Variants in ALK observed in about 807,000 individuals in gnomAD.
ALK encodes ALK tyrosine kinase receptor.
Under a neutral mutation model 163.1 loss-of-function variants are expected in ALK, and 74 were observed. The observed-to-expected ratio is 0.45, with a 90% CI of 0.38 to 0.55. The LOEUF is 0.55. Ranked by LOEUF, ALK falls within the 20% of genes least tolerant of loss-of-function variation. The pLI is 0.00. For synonymous variants in ALK, 960 were observed against 843.2 expected, an observed-to-expected ratio of 1.14 and a Z score of -2.40; for missense variants, 2,063 against 2,105.3, an observed-to-expected ratio of 0.98 and a Z score of 0.39.
At chr2:29,538,623 G>A (rs1673326474) in intron 3 of ALK, among the ~76,000 whole-genome samples, 2 of 152,098 alleles carry the variant, frequency 1.3e-5, no homozygotes, top group Non-Finnish European at 2.9e-5. Context: ...ACACAAGCAT[G>A]AACTAATACA....
At chr2:29,253,369 C>A (rs540758006) in intron 11 of ALK, among the ~76,000 whole-genome samples, 2 of 152,108 alleles carry the variant, frequency 1.3e-5, no homozygotes, top group Admixed American at 6.6e-5. Context: ...GCAGCTTCAT[C>A]ATTTATTGAT....
intron 1 of ALK, among the ~76,000 whole-genome samples, chr2:29,745,712 C>T (rs1186383626): frequency 1.3e-5 from 2 of 152,178 alleles, no homozygotes; most frequent in African/African-American, 2.4e-5. Flanking sequence ...CATCACTGCC[C>T]ATGGTTTGCC....
intron 3 of ALK, among the ~76,000 whole-genome samples, chr2:29,638,560 G>C (rs1676612688): frequency 6.6e-6 from 1 of 151,998 alleles, no homozygotes; most frequent in Non-Finnish European, 1.5e-5. Context: ...CTGGGGCAGG[G>C]GCATGTACAC....
chr2:29,434,674 A>G (rs1455636525), intron 4 of ALK, among the ~76,000 whole-genome samples: 1 of 152,232 alleles, frequency 6.6e-6, no homozygotes, highest in East Asian at 1.9e-4. Context: ...ATTAAAATTC[A>G]TAAGATAAGT....
At chr2:29,820,698 C>G (rs913693135) in intron 1 of ALK, among the ~76,000 whole-genome samples, 1 of 152,154 alleles carries the variant, frequency 6.6e-6, no homozygotes, top group Non-Finnish European at 1.5e-5. Context: ...GACTCTGGAG[C>G]CTGGAAGTGC....
chr2:29,295,323 G>A (rs1666143036), intron 9 of ALK, among the ~76,000 whole-genome samples: 1 of 151,960 alleles, frequency 6.6e-6, no homozygotes, highest in Non-Finnish European at 1.5e-5. Context: ...AAGACTTGCT[G>A]GATTGAGGAG....
chr2:29,886,433 C>T (rs1203603933), intron 1 of ALK, among the ~76,000 whole-genome samples: 1 of 152,212 alleles, frequency 6.6e-6, no homozygotes, highest in Non-Finnish European at 1.5e-5. Flanking sequence ...AGTACCCTGG[C>T]CCTATACCTA....
At chr2:29,853,845 C>T (rs1227806404) in intron 1 of ALK, among the ~76,000 whole-genome samples, 4 of 152,052 alleles carry the variant, frequency 2.6e-5, no homozygotes, top group Non-Finnish European at 4.4e-5. Context: ...TTTGCCACGT[C>T]CCTCCCCACC....
At chr2:29,678,591 G>T (rs1677963051) in intron 3 of ALK, among the ~76,000 whole-genome samples, 1 of 144,640 alleles carries the variant, frequency 6.9e-6, no homozygotes, top group Non-Finnish European at 1.6e-5. Context: ...TTTCCTAATA[G>T]TCAGGGATTT....
intron 4 of ALK, among the ~76,000 whole-genome samples, chr2:29,434,002 G>A (rs143194061): frequency 6.6e-6 from 1 of 152,264 alleles, no homozygotes; most frequent in East Asian, 1.9e-4. Context: ...TCTCTCAAGA[G>A]TTGGAACCAG....
intron 3 of ALK, among the ~76,000 whole-genome samples, chr2:29,672,860 AT>A (rs1195017570): frequency 1.5e-5 from 2 of 129,530 alleles, no homozygotes; most frequent in African/African-American, 6.3e-5. Flanking sequence ...CTTTTTAATG[AT>A]TGCCATTCTA....
At chr2:29,600,831 C>A (rs570666050) in intron 3 of ALK, among the ~76,000 whole-genome samples, 1 of 152,220 alleles carries the variant, frequency 6.6e-6, no homozygotes, top group South Asian at 2.1e-4. Flanking sequence ...TAGGAAGGAA[C>A]CCAGGCCGTA....
In ALK at chr2:29,672,193, T is replaced by C. The variant is rs564155319; in HGVS notation, c.952+22657A>G. 2.4e-4 allele frequency among the ~76,000 whole-genome samples: 36 copies of C among 152,048 alleles called. 1 individual carries two copies. Among genetic ancestry groups the C allele is most frequent in the African/African-American group, 8.0e-4 (33 of 41,496 alleles). On this transcript the variant is annotated intron_variant, in intron 3 of 28. Transcript: ENST00000389048. ...GCTTTTTTTTTTTCTTTTATTATTATACTTTAAGTTTTAGGGTACATGTGC... is the reference window on the plus strand; with the variant it reads ...GCTTTTTTTTTTTCTTTTATTATTACACTTTAAGTTTTAGGGTACATGTGC...
chr2:29,262,330 G>T (rs1216753863), intron 11 of ALK, among the ~76,000 whole-genome samples: 1 of 152,182 alleles, frequency 6.6e-6, no homozygotes, highest in Non-Finnish European at 1.5e-5. Context: ...TTATTTGCGT[G>T]TATGTGCATG....
intron 1 of ALK, among the ~76,000 whole-genome samples, chr2:29,874,405 T>G (rs531190750): frequency 6.6e-6 from 1 of 152,242 alleles, no homozygotes; most frequent in Non-Finnish European, 1.5e-5. Context: ...ATAAGCCAGA[T>G]CAGATGTTTT....
intron 25 of ALK, among the ~76,000 whole-genome samples, chr2:29,208,766 G>C (rs1192672130): frequency 2.6e-5 from 4 of 152,094 alleles, no homozygotes; most frequent in Admixed American, 6.6e-5. Context: ...CTGTGAGTTA[G>C]GGAAGGGGTC....
chr2:29,400,382 T>C (rs967672931), intron 4 of ALK, among the ~76,000 whole-genome samples: 4 of 152,174 alleles, frequency 2.6e-5, no homozygotes, highest in African/African-American at 9.7e-5. Flanking sequence ...CATTGCTGTA[T>C]TGGGAGATCC....
chr2:29,637,068 C>T (rs1646949201), intron 3 of ALK, among the ~76,000 whole-genome samples: 1 of 152,150 alleles, frequency 6.6e-6, no homozygotes. Flanking sequence ...CCACAGGACT[C>T]AGTGGTTGCT....
chr2:29,647,276 G>A (rs1676904758), intron 3 of ALK, among the ~76,000 whole-genome samples: 1 of 152,158 alleles, frequency 6.6e-6, no homozygotes, highest in Admixed American at 6.5e-5. Context: ...TATACTTATA[G>A]TTCAGATGAG....
Sources: allele counts gnomAD v4.1 joint callset (sites outside exome capture counted in the v4.1 genomes callset), GRCh38; gene constraint gnomAD v4.1.1; transcripts MANE v1.5; gene names NCBI Gene and HGNC (gene_info 2026-07-23, HGNC 2026-07-21).